HDAC2: variants seen among roughly 807,000 people sequenced by gnomAD.
The protein encoded by HDAC2 is YY1-associated factor 1.
Under a neutral mutation model 68.5 loss-of-function variants are expected in HDAC2, and 5 were observed. The ratio of observed to expected loss-of-function variants is 0.07; its 90% CI spans 0.04 to 0.15. The LOEUF (loss-of-function observed/expected upper bound fraction) is 0.15, where lower values mean the gene tolerates loss of function less well. HDAC2 is among the 10% of genes least tolerant of loss of function. The pLI is 1.00. For missense variants in HDAC2, 291 were observed against 600.8 expected (o/e 0.48, Z 5.39); for synonymous variants, 182 against 191.3 (o/e 0.95, Z 0.40).
intron 6 of HDAC2, among the ~76,000 whole-genome samples, chr6:113,951,470 CTTT>C (rs10715453): frequency 2.1e-4 from 25 of 117,176 alleles, no homozygotes; most frequent in African/African-American, 2.4e-4. Context: ...ACTGTAAAAT[CTTT>C]TTTTTTTTTT....
chr6:113,967,297 T>C (rs1021782707), intron 1 of HDAC2, among the ~76,000 whole-genome samples: 1 of 152,142 alleles, frequency 6.6e-6, no homozygotes, highest in Admixed American at 6.5e-5. Flanking sequence ...CCTGGCTAAT[T>C]TTTGTATTTT....
rs1180517483 is a variant in HDAC2 at position 113,940,548 on chromosome 6, A to T, written c.*510T>A. On this transcript the variant is annotated 3_prime_UTR_variant, in exon 14 of 14. Transcript: ENST00000519065. ...CAAGGTGGTAGAATTTCTATTGCAA[A>T]GATAAGTAATAATTACTATAAATAC... 6.5e-6 allele frequency: 1 copy of T among 152,846 alleles called. No individual in the cohort carries two copies. The highest frequency in any genetic ancestry group is 1.5e-5 in the Non-Finnish European group (1 of 68,446). The allele number at this position is 152,846 out of a possible 1,614,324, so 9.5% of individuals were successfully genotyped here. A position where few individuals can be genotyped will look rare whatever the true frequency, so the allele number is the denominator to read the frequency against.
intron 1 of HDAC2, among the ~76,000 whole-genome samples, chr6:113,966,087 T>G (rs1412854868): frequency 6.6e-6 from 1 of 152,198 alleles, no homozygotes; most frequent in Non-Finnish European, 1.5e-5. Context: ...ACATTAAAAC[T>G]ACAGTCAGTG....
intron 1 of HDAC2, among the ~76,000 whole-genome samples, chr6:113,966,862 T>C (rs992014634): frequency 6.6e-6 from 1 of 152,210 alleles, no homozygotes; most frequent in South Asian, 2.1e-4. Flanking sequence ...TTCAGTCTTA[T>C]TTAGTCATGT....
intron 1 of HDAC2, among the ~76,000 whole-genome samples, chr6:113,964,768 A>G (rs144428540): frequency 2.0e-5 from 3 of 152,324 alleles, no homozygotes; most frequent in Admixed American, 2.0e-4. Flanking sequence ...CTTGAATTCA[A>G]TAAGGATCTC....
chr6:113,958,880 A>C, intron 2 of HDAC2, 114 bp from the exon 3 acceptor site: 1 of 720,734 alleles, frequency 1.4e-6, no homozygotes, highest in Non-Finnish European at 2.4e-6. Context: ...AGTCTACCAG[A>C]ACAAAATATA....
At chr6:113,966,288 G>A (rs967174332) in intron 1 of HDAC2, among the ~76,000 whole-genome samples, 3 of 152,104 alleles carry the variant, frequency 2.0e-5, no homozygotes, top group Non-Finnish European at 4.4e-5. Flanking sequence ...AGTGGCTCAC[G>A]CCTGTAATCC....
In HDAC2 at chr6:113,970,875, C is replaced by CT. The variant is rs759078191; in HGVS notation, c.33dup (p.Val12SerfsTer8). ...CGCTCACCGTCGTAGTAGTAGCAGA[C>CT]TTTTTTTTTGCCGCCTCCTTGACTG... is the stretch of plus-strand genomic sequence containing the variant. On this transcript the variant is annotated frameshift_variant, in exon 1 of 14. Transcript: ENST00000519065. LOFTEE classifies it high-confidence loss of function. The CT allele has an allele frequency of 1.5e-5, 23 of 1,537,806 alleles. No individual in the cohort carries two copies. The highest frequency in any genetic ancestry group is 4.0e-5 in the Admixed American group (2 of 50,366).
At chr6:113,945,590 A>T (rs1326886087) in intron 9 of HDAC2, 120 bp from the exon 10 acceptor site, 1 of 687,672 alleles carries the variant, frequency 1.5e-6, no homozygotes, top group South Asian at 1.6e-5. Flanking sequence ...AAGTGAACAC[A>T]AAGTGAATGT....
chr6:113,970,647 C>A (rs1037185482), intron 1 of HDAC2: 78 of 1,349,868 alleles, frequency 5.8e-5, no homozygotes, highest in African/African-American at 7.8e-5. Flanking sequence ...ACGGGCGGGC[C>A]CCCTGATTCC....
intron 6 of HDAC2, among the ~76,000 whole-genome samples, chr6:113,950,700 T>TGGGGGGGGGGGGGGGGGGG (rs34412922): frequency 1.6e-5 from 1 of 62,434 alleles, no homozygotes; most frequent in Non-Finnish European, 3.6e-5. Context: ...CTGAGTGGGG[T>TGGGGGGGGGGGGGGGGGGG]GGGGGGGGGG....
At chr6:113,958,461 A>G in intron 3 of HDAC2, 188 bp downstream of exon 3, 2 of 451,036 alleles carry the variant, frequency 4.4e-6, no homozygotes, top group South Asian at 3.3e-5. Flanking sequence ...TTGCAAACCA[A>G]TAAGCTTCAG....
chr6:113,970,827 G>C (rs2114629757), intron 1 of HDAC2, 30 bp downstream of exon 1: 12 of 1,524,726 alleles, frequency 7.9e-6, no homozygotes, highest in South Asian at 4.8e-5. Context: ...GGCCCCGCGC[G>C]CCCACCCCGA....
At chr6:113,944,474 A>T (rs897881911) in intron 10 of HDAC2, 64 bp from the exon 11 acceptor site, 6 of 1,426,070 alleles carry the variant, frequency 4.2e-6, no homozygotes, top group Non-Finnish European at 5.9e-6. Flanking sequence ...TACATGCAAG[A>T]GAAAATATTT....
At chr6:113,965,013 G>A (rs1453351120) in intron 1 of HDAC2, among the ~76,000 whole-genome samples, 2 of 152,078 alleles carry the variant, frequency 1.3e-5, no homozygotes, top group Non-Finnish European at 2.9e-5. Flanking sequence ...CATTTTATAT[G>A]GACCAATATG....
At chr6:113,963,326 T>G (rs1253612954) in intron 1 of HDAC2, among the ~76,000 whole-genome samples, 1 of 152,008 alleles carries the variant, frequency 6.6e-6, no homozygotes, top group Non-Finnish European at 1.5e-5. Flanking sequence ...TCAGATGATC[T>G]GCCCGCCTCA....
chr6:113,955,727 TCTCAAACTCCTGGG>T (rs767079247), intron 5 of HDAC2, among the ~76,000 whole-genome samples: 212 of 151,938 alleles, frequency 1.4e-3, no homozygotes, highest in Middle Eastern at 3.4e-3. Flanking sequence ...CCTAGCCTGG[TCTCAAACTCCTGGG>T]CTCAAGAGAT....
At chr6:113,962,935 G>A (rs550107802) in intron 1 of HDAC2, among the ~76,000 whole-genome samples, 65 of 146,418 alleles carry the variant, frequency 4.4e-4, no homozygotes, top group African/African-American at 1.6e-3. Context: ...CTGCACTCCA[G>A]CCTGGGTGAC....
chr6:113,958,619 A>T (rs2243356), intron 3 of HDAC2, 30 bp downstream of exon 3: 613,325 of 1,100,518 alleles, frequency 0.56, 172,268 homozygotes, highest in East Asian at 0.65. Flanking sequence ...CATTTATCAA[A>T]GCAAAACTAC....
Sources: gnomAD v4.1 joint callset for allele counts (sites outside exome capture counted in the v4.1 genomes callset) on GRCh38, gnomAD v4.1.1 for gene constraint, MANE v1.5 for transcripts, NCBI Gene and HGNC (gene_info 2026-07-23, HGNC 2026-07-21) for gene names.